Variants in ZNF519 observed in about 807,000 individuals in gnomAD.
ZNF519 encodes zinc finger protein 519.
A neutral mutation model predicts 7.4 loss-of-function variants in ZNF519; 7 were observed. That is an observed-to-expected ratio of 0.94 (90% confidence interval 0.54 to 1.77). ZNF519 has a LOEUF of 1.77. Ranked by LOEUF, ZNF519 falls within the 40% of genes most tolerant of loss-of-function variation. The probability of loss-of-function intolerance (pLI) is 0.00; values close to 1 mark genes in which losing one functional copy is unlikely to be tolerated. For missense variants in ZNF519, 586 were observed against 623.1 expected, an observed-to-expected ratio of 0.94 and a Z score of 0.63; for synonymous variants, 179 against 203.3, an observed-to-expected ratio of 0.88 and a Z score of 1.02.
chr18:14,095,234 G>C (rs1427175420), downstream of ZNF519, among the ~76,000 whole-genome samples: 1 of 152,134 alleles, frequency 6.6e-6, no homozygotes, highest in Non-Finnish European at 1.5e-5. Flanking sequence ...CTGGAGACAG[G>C]GAAACTCCAG....
chr18:14,095,751 G>C (rs1020456282), downstream of ZNF519, among the ~76,000 whole-genome samples: 1 of 152,186 alleles, frequency 6.6e-6, no homozygotes, highest in South Asian at 2.1e-4. Flanking sequence ...ACAAAGTCCT[G>C]CATTTACTTC....
At chr18:14,112,855 CAG>C (rs2046228556) in intron 2 of ZNF519, among the ~76,000 whole-genome samples, 1 of 152,126 alleles carries the variant, frequency 6.6e-6, no homozygotes, top group African/African-American at 2.4e-5. Context: ...ATCCAATCTA[CAG>C]ACTTAATGCA....
intron 4 of ZNF519, chr18:14,077,675 G>A (rs945761493): frequency 1.3e-5 from 2 of 152,172 alleles, no homozygotes; most frequent in African/African-American, 4.8e-5. Flanking sequence ...TCTTTTCCAG[G>A]ACCCCTGGAG....
chr18:14,077,573 G>T (rs780198687), intron 4 of ZNF519: 2 of 152,182 alleles, frequency 1.3e-5, no homozygotes, highest in Non-Finnish European at 2.9e-5. Flanking sequence ...AAGATAGTTT[G>T]AAAACCATTT....
intron 1 of ZNF519, among the ~76,000 whole-genome samples, chr18:14,130,362 C>T (rs1472408185): frequency 6.6e-6 from 1 of 152,184 alleles, no homozygotes; most frequent in Admixed American, 6.5e-5. Flanking sequence ...TGCCCACCCT[C>T]TCTCACCTTC....
chr18:14,105,668 G>A lies in ZNF519; in HGVS notation c.872C>T (p.Pro291Leu). The A allele has an allele frequency of 6.2e-7, 1 of 1,613,488 alleles. No homozygotes were observed. The highest frequency in any genetic ancestry group is 8.5e-7 in the Non-Finnish European group (1 of 1,179,890). ...GHQKIHTGEK[P>L]YKCKKCDKAF... is the part of the protein sequence containing the mutation. ...TTTGTCACATTTTTTACATTTGTAA[G>A]GTTTCTCTCCAGTATGAATTTTCTG... The change falls in exon 3 of 3, where the codon CCT (proline) becomes CTT (leucine). Residue 291 changes from proline to leucine, a missense_variant. Transcript: ENST00000590202.
Position 14,105,343 on chromosome 18 carries a change from A to G in ZNF519, c.1197T>C (p.Thr399=), listed in dbSNP as rs1427732738. 1 of 1,613,912 alleles carries G rather than the reference A, an allele frequency of 6.2e-7. No homozygotes were observed. The highest frequency in any genetic ancestry group is 8.5e-7 in the Non-Finnish European group (1 of 1,180,006). Residue 399 remains threonine (T), a synonymous_variant, in exon 3 of 3, where the codon ACT becomes ACC. Transcript: ENST00000590202. ...CCTTACACTTGAAAGGTTTCTCTCC[A>G]GTATGCATTCTCTGATGCTGAGTAA... ...SYVTQHQRMH[T]GEKPFKCKEC...
At chr18:14,120,674 A>C (rs575345381) in intron 2 of ZNF519, among the ~76,000 whole-genome samples, 1 of 152,186 alleles carries the variant, frequency 6.6e-6, no homozygotes, top group Non-Finnish European at 1.5e-5. Flanking sequence ...AACTTCTGCA[A>C]TTCAAAGCAA....
chr18:14,084,422 A>G (rs1009195582), intron 3 of ZNF519: 2 of 152,212 alleles, frequency 1.3e-5, no homozygotes, highest in Non-Finnish European at 2.9e-5. Context: ...GACTCAGGGA[A>G]AAGAAACTCC....
At chr18:14,077,445 T>C (rs906116583) in exon 5 of ZNF519, 8 of 152,218 alleles carry the variant, frequency 5.3e-5, no homozygotes, top group African/African-American at 1.9e-4. Flanking sequence ...CCAGAGTGTG[T>C]GGGAGGAGGC....
At chr18:14,125,005 C>A (rs952800957) in intron 1 of ZNF519, among the ~76,000 whole-genome samples, 1 of 152,108 alleles carries the variant, frequency 6.6e-6, no homozygotes, top group African/African-American at 2.4e-5. Context: ...GTATTCTAGG[C>A]CTCACTGTTA....
At chr18:14,131,777 A>G (rs906909133) in intron 1 of ZNF519, among the ~76,000 whole-genome samples, 3 of 152,026 alleles carry the variant, frequency 2.0e-5, no homozygotes, top group African/African-American at 7.2e-5. Flanking sequence ...CAATTATTTA[A>G]TTGTCTTTGC....
intron 1 of ZNF519, among the ~76,000 whole-genome samples, chr18:14,128,099 C>T (rs1467436939): frequency 6.6e-6 from 1 of 151,664 alleles, no homozygotes; most frequent in African/African-American, 2.4e-5. Flanking sequence ...ACCATCCTGG[C>T]GAACACGGTG....
chr18:14,125,607 G>A (rs1235842500), intron 1 of ZNF519, among the ~76,000 whole-genome samples: 5 of 152,154 alleles, frequency 3.3e-5, no homozygotes, highest in African/African-American at 9.7e-5. Flanking sequence ...TATTTACTTT[G>A]AGACTTGTGA....
intron 2 of ZNF519, among the ~76,000 whole-genome samples, chr18:14,094,780 C>G (rs1045313213): frequency 6.6e-6 from 1 of 151,892 alleles, no homozygotes; most frequent in African/African-American, 2.4e-5. Context: ...TTTCAAATAG[C>G]CTGTCTTTGA....
At chr18:14,072,829 TG>T (rs2046032945), downstream of ZNF519, 1 of 152,218 alleles carries the variant, frequency 6.6e-6, no homozygotes, top group East Asian at 1.9e-4. Flanking sequence ...CCAGGCTTTT[TG>T]TTCTGAGGTC....
At position 14,132,328 on chromosome 18, in the gene ZNF519, C is replaced by T. The variant is rs567797384; in HGVS notation, c.-51G>A. On this transcript the variant is annotated 5_prime_UTR_variant, in exon 1 of 3. Coordinates refer to ENST00000590202, the MANE Select transcript of ZNF519 (RefSeq NM_145287.4). ...GTCTTAGCTATAAATCATTCAATGC[C>T]AGCAGGTCACAGAGCGACGGAGTGA... is the stretch of plus-strand genomic sequence containing the variant. 5 of 1,608,520 alleles carry T rather than the reference C, an allele frequency of 3.1e-6. No individual in the cohort carries two copies. The African/African-American group carries it at 6.7e-5, about 21-fold the overall frequency.
chr18:14,104,972 T>G lies in ZNF519; in HGVS notation c.1568A>C (p.Lys523Thr). Residue 523 changes from lysine (K) to threonine (T), a missense_variant, in exon 3 of 3, where the codon AAA (lysine) becomes ACA (threonine). Coordinates refer to ENST00000590202, the MANE Select transcript of ZNF519 (RefSeq NM_145287.4). ...EKPFKCKECGKAFNRRSTLTQ... is the reference protein window; with the variant it reads ...EKPFKCKECGTAFNRRSTLTQ... The stretch of plus-strand genomic sequence containing the variant: ...AAGGGTTGAGCGTCTGTTAAAAGCT[T>G]TGCCACATTCTTTACATTTGAAAGG... The G allele has an allele frequency of 1.3e-6, 2 of 1,595,292 alleles. No homozygotes were observed. Among genetic ancestry groups the G allele is most frequent in the South Asian group, 1.1e-5 (1 of 87,126 alleles).
In ZNF519 at chr18:14,103,827, T is replaced by C. The variant is rs2046173897; in HGVS notation, c.*1090A>G. On this transcript the variant is annotated 3_prime_UTR_variant, in exon 3 of 3. Coordinates refer to ENST00000590202, the MANE Select transcript of ZNF519 (RefSeq NM_145287.4). ...AGCAAGGTGGAATAAGTTAACATTT[T>C]TGTCAGGATAAGACATTATTCAATA... 1 of 152,136 alleles carries C rather than the reference T, an allele frequency of 6.6e-6. No individual in the cohort carries two copies. The highest frequency in any genetic ancestry group is 2.4e-5 in the African/African-American group (1 of 41,444). The allele number at this position is 152,136 out of a possible 1,614,324, so 9.4% of individuals were successfully genotyped here. A position where few individuals can be genotyped will look rare whatever the true frequency, so the allele number is the denominator to read the frequency against.
Sources: allele counts gnomAD v4.1 joint callset (sites outside exome capture counted in the v4.1 genomes callset), GRCh38; gene constraint gnomAD v4.1.1; transcripts MANE v1.5; gene names NCBI Gene and HGNC (gene_info 2026-07-23, HGNC 2026-07-21).